Variants in PTPRR observed in about 807,000 individuals in gnomAD.
PTPRR encodes protein tyrosine phosphatase receptor type R.
In PTPRR, 38 loss-of-function variants were observed where a neutral mutation model predicts 77.2. The observed-to-expected ratio is 0.49, with a 90% CI of 0.38 to 0.65. PTPRR has a LOEUF of 0.65. PTPRR is among the 30% of genes least tolerant of loss of function. PTPRR has a pLI of 0.00. For missense variants in PTPRR, 744 were observed against 799.2 expected (o/e 0.93, Z 0.83); for synonymous variants, 299 against 283.1 (o/e 1.06, Z -0.57).
At chr12:70,868,599 C>T (rs1892902482) in intron 2 of PTPRR, among the ~76,000 whole-genome samples, 1 of 152,054 alleles carries the variant, frequency 6.6e-6, no homozygotes, top group South Asian at 2.1e-4. Flanking sequence ...GGACTGTAAA[C>T]TAGTTCAACC....
chr12:70,755,523 G>C (rs947650471), intron 4 of PTPRR, among the ~76,000 whole-genome samples: 1 of 152,154 alleles, frequency 6.6e-6, no homozygotes, highest in African/African-American at 2.4e-5. Context: ...GAACAGAAAA[G>C]ATTTTTGAGT....
chr12:70,852,661 G>A (rs916566341), intron 2 of PTPRR, among the ~76,000 whole-genome samples: 2 of 152,058 alleles, frequency 1.3e-5, no homozygotes, highest in Non-Finnish European at 2.9e-5. Context: ...GTATTAGTGT[G>A]GAATAGTGGA....
intron 2 of PTPRR, among the ~76,000 whole-genome samples, chr12:70,882,597 T>C (rs533458530): frequency 6.6e-6 from 1 of 151,658 alleles, no homozygotes; most frequent in Non-Finnish European, 1.5e-5. Flanking sequence ...ACTGGGAATA[T>C]GATGATTGAG....
In PTPRR at chr12:70,840,134, T is replaced by C. The variant is rs533603161; in HGVS notation, c.357+52545A>G. Among the ~76,000 whole-genome samples the C allele has an allele frequency of 2.4e-4, 36 of 152,290 alleles. No individual in the cohort carries two copies. In the South Asian group the frequency reaches 7.2e-3, roughly 31 times the overall value. ...GTAGGTCAGAAATCTGACACGGTCT[T>C]ACTAGGCTAAAATCAAAGTATCACT... On this transcript the variant is annotated intron_variant, in intron 2 of 13. Coordinates refer to ENST00000283228, the MANE Select transcript of PTPRR (RefSeq NM_002849.4).
chr12:70,915,367 G>A (rs1205809815), intron 1 of PTPRR, among the ~76,000 whole-genome samples: 2 of 152,140 alleles, frequency 1.3e-5, no homozygotes, highest in African/African-American at 4.8e-5. Flanking sequence ...CAAGGTGTTA[G>A]GTAGGATGTG....
chr12:70,687,856 C>G (rs1479915986), intron 8 of PTPRR, among the ~76,000 whole-genome samples: 1 of 152,122 alleles, frequency 6.6e-6, no homozygotes, highest in Admixed American at 6.5e-5. Flanking sequence ...GCTACTGGTA[C>G]TGAAGCAAAC....
intron 2 of PTPRR, among the ~76,000 whole-genome samples, chr12:70,852,155 T>A (rs981182901): frequency 6.6e-6 from 1 of 152,120 alleles, no homozygotes; most frequent in South Asian, 2.1e-4. Context: ...TGAGACCAGA[T>A]GCTTTAAAAA....
At chr12:70,823,502 G>A (rs1030261181) in intron 2 of PTPRR, among the ~76,000 whole-genome samples, 2 of 152,228 alleles carry the variant, frequency 1.3e-5, no homozygotes, top group South Asian at 4.2e-4. Flanking sequence ...TTCCCAGAGT[G>A]CCCTACACTT....
intron 8 of PTPRR, 132 bp downstream of exon 8, chr12:70,698,133 A>G: frequency 1.7e-6 from 1 of 576,370 alleles, no homozygotes; most frequent in Non-Finnish European, 3.1e-6. Context: ...TTTGTTACAT[A>G]GGTATACATG....
At chr12:70,768,839 G>A (rs1890895898) in intron 2 of PTPRR, among the ~76,000 whole-genome samples, 2 of 151,680 alleles carry the variant, frequency 1.3e-5, no homozygotes, top group Non-Finnish European at 2.9e-5. Flanking sequence ...TCCCTGGGAT[G>A]CAAGGCTGGT....
intron 6 of PTPRR, among the ~76,000 whole-genome samples, chr12:70,743,433 T>C (rs918976506): frequency 6.6e-6 from 1 of 152,084 alleles, no homozygotes; most frequent in South Asian, 2.1e-4. Flanking sequence ...GGAAAAACAA[T>C]ACCAGAGGAG....
chr12:70,804,994 T>C (rs1891683592), intron 2 of PTPRR, among the ~76,000 whole-genome samples: 2 of 152,204 alleles, frequency 1.3e-5, no homozygotes, highest in Non-Finnish European at 2.9e-5. Context: ...TCTCTCCCCA[T>C]GCTTATTTTG....
At chr12:70,803,693 G>A (rs1040298688) in intron 2 of PTPRR, among the ~76,000 whole-genome samples, 7 of 152,106 alleles carry the variant, frequency 4.6e-5, no homozygotes, top group Admixed American at 1.3e-4. Context: ...TAATGCCTGA[G>A]GAAAGAGATT....
At chr12:70,864,418 C>G (rs977887683) in intron 2 of PTPRR, among the ~76,000 whole-genome samples, 1 of 152,226 alleles carries the variant, frequency 6.6e-6, no homozygotes, top group African/African-American at 2.4e-5. Context: ...GTCACATGAT[C>G]AATAGGGTTG....
chr12:70,805,124 T>C (rs1422531682), intron 2 of PTPRR, among the ~76,000 whole-genome samples: 1 of 152,138 alleles, frequency 6.6e-6, no homozygotes, highest in Non-Finnish European at 1.5e-5. Flanking sequence ...TGCCATTTTC[T>C]AAACCAAAAG....
chr12:70,745,672 C>A, intron 6 of PTPRR, 146 bp downstream of exon 6: 1 of 956,744 alleles, frequency 1.0e-6, no homozygotes, highest in South Asian at 1.7e-5. Flanking sequence ...CTTTGGGAGA[C>A]AAGAAACACT....
intron 1 of PTPRR, among the ~76,000 whole-genome samples, chr12:70,904,086 C>T (rs7965035): frequency 0.022 from 3,342 of 151,904 alleles, 124 homozygotes; most frequent in African/African-American, 0.076. Context: ...TCTGGAGCAA[C>T]TGGAAGTCTC....
chr12:70,662,698 T>C (rs1213847864), intron 10 of PTPRR, 93 bp from the exon 11 acceptor site: 2 of 620,530 alleles, frequency 3.2e-6, no homozygotes, highest in Non-Finnish European at 5.5e-6. Context: ...TTTTATATCA[T>C]TAGTTTTAAA....
rs544807209 is a variant in PTPRR, at chr12:70,761,406, G to A, written c.627+65C>T. 7 of 1,380,680 alleles carry A rather than the reference G, an allele frequency of 5.1e-6. No homozygotes were observed. In the East Asian group the frequency reaches 1.7e-4, roughly 33 times the overall value. The allele number at this position is 1,380,680 out of a possible 1,614,324, so 85.5% of individuals were successfully genotyped here. A position where few individuals can be genotyped will look rare whatever the true frequency, so the allele number is the denominator to read the frequency against. On this transcript the variant is annotated intron_variant, in intron 4 of 13. Coordinates refer to ENST00000283228, the MANE Select transcript of PTPRR (RefSeq NM_002849.4). ...AACTTCCATCTCAAAGCCTCTTGGG[G>A]TTGAATTACCATAGCATGCTAACTG...
Sources: gnomAD v4.1 joint callset for allele counts (sites outside exome capture counted in the v4.1 genomes callset) on GRCh38, gnomAD v4.1.1 for gene constraint, MANE v1.5 for transcripts, NCBI Gene and HGNC (gene_info 2026-07-23, HGNC 2026-07-21) for gene names.